The following TRIM33 variants were observed in gnomAD, a reference collection of about 807,000 sequenced individuals.
TRIM33 encodes the protein tripartite motif containing 33, also known as E3 ubiquitin-protein ligase TRIM33.
TRIM33 carries 20 observed loss-of-function variants against 125.4 expected under a neutral mutation model. The ratio of observed to expected loss-of-function variants is 0.16; its 90% CI spans 0.11 to 0.23. The LOEUF is 0.23. TRIM33 is among the 10% of genes least tolerant of loss of function. TRIM33 has a pLI of 1.00. For missense variants in TRIM33, 920 were observed against 1,411.4 expected (o/e 0.65, Z 5.58); for synonymous variants, 564 against 513.9 (o/e 1.10, Z -1.32).
At chr1:114,449,808 CAAATG>C (rs1649206978) in intron 4 of TRIM33, among the ~76,000 whole-genome samples, 1 of 152,178 alleles carries the variant, frequency 6.6e-6, no homozygotes, top group Non-Finnish European at 1.5e-5. Context: ...CATTATTTTT[CAAATG>C]ACCCAATATA....
intron 1 of TRIM33, among the ~76,000 whole-genome samples, chr1:114,475,249 G>C (rs1474488576): frequency 6.6e-6 from 1 of 152,156 alleles, no homozygotes; most frequent in Non-Finnish European, 1.5e-5. Flanking sequence ...TATACTTTAA[G>C]AACTAATGAT....
chr1:114,468,868 G>A (rs1268594595), intron 1 of TRIM33: 2 of 243,848 alleles, frequency 8.2e-6, no homozygotes, highest in Non-Finnish European at 1.7e-5. Flanking sequence ...AACATCACGA[G>A]GGAAAAGAAT....
intron 4 of TRIM33, among the ~76,000 whole-genome samples, 177 bp from the exon 5 acceptor site, chr1:114,433,910 ACT>A (rs1648120943): frequency 6.6e-6 from 1 of 151,908 alleles, no homozygotes; most frequent in Admixed American, 6.6e-5. Context: ...TCTCCCTCCA[ACT>A]CTGACCCTGA....
chr1:114,427,601 T>C, intron 7 of TRIM33, 147 bp downstream of exon 7: 1 of 741,892 alleles, frequency 1.3e-6, no homozygotes, highest in Non-Finnish European at 2.1e-6. Context: ...GAGGAAACTT[T>C]GGGGGGTGGT....
At chr1:114,492,856 A>C (rs1012296619) in intron 1 of TRIM33, among the ~76,000 whole-genome samples, 7 of 152,234 alleles carry the variant, frequency 4.6e-5, no homozygotes, top group Non-Finnish European at 1.0e-4. Context: ...ACTGTGAATA[A>C]TGCTGCAATT....
Position 114,510,540 on chromosome 1 carries a change from C to T in TRIM33, c.526+11G>A. 6 of 1,467,512 alleles carry T rather than the reference C, an allele frequency of 4.1e-6. No homozygotes were observed. Among genetic ancestry groups the T allele is most frequent in the Non-Finnish European group, 5.4e-6 (6 of 1,111,112 alleles). The allele number at this position is 1,467,512 out of a possible 1,614,324, so 90.9% of individuals were successfully genotyped here. ...TTGCGGCCCAGATGCCAGGCAGGGCCTCCGGCTCACCTTGCTGGATGTCGC... is the reference window on the plus strand; with the variant it reads ...TTGCGGCCCAGATGCCAGGCAGGGCTTCCGGCTCACCTTGCTGGATGTCGC... On this transcript the variant is annotated intron_variant, in intron 1 of 19. Coordinates refer to ENST00000358465, the MANE Select transcript of TRIM33 (RefSeq NM_015906.4).
intron 4 of TRIM33, among the ~76,000 whole-genome samples, chr1:114,461,291 T>TTTATATA (rs199792194): frequency 0.018 from 2,001 of 112,330 alleles, 26 homozygotes; most frequent in South Asian, 0.053. Context: ...TTATTATATA[T>TTTATATA]TTATATATTA....
At chr1:114,487,386 G>A (rs1156369785) in intron 1 of TRIM33, among the ~76,000 whole-genome samples, 2 of 147,722 alleles carry the variant, frequency 1.4e-5, no homozygotes, top group South Asian at 2.1e-4. Flanking sequence ...TTCAAAGGCT[G>A]AAAGAAAGTA....
intron 13 of TRIM33, among the ~76,000 whole-genome samples, 162 bp from the exon 14 acceptor site, chr1:114,407,262 A>G (rs1334071443): frequency 6.6e-6 from 1 of 152,222 alleles, no homozygotes; most frequent in East Asian, 1.9e-4. Flanking sequence ...TGTGGTATAA[A>G]GCCTAGCTTA....
rs115205951 is a variant in TRIM33, at chr1:114,428,038, C to T, written c.1156-144G>A. On this transcript the variant is annotated intron_variant, in intron 6 of 19. Transcript: ENST00000358465. ...CTCCATGATTATTTAGCAAGCCTAT[C>T]ATCAGAGGAAAAGCCACTAACAAAA... is the stretch of plus-strand genomic sequence containing the variant. 7.3e-3 allele frequency: 6,048 copies of T among 827,676 alleles called. 29 individuals carry two copies. The highest frequency in any genetic ancestry group is 0.011 in the Admixed American group (355 of 32,656). 51.3% of individuals were successfully genotyped at this position (827,676 alleles called of 1,614,324 possible).
chr1:114,427,337 CA>C (rs771751199), intron 7 of TRIM33, 43 bp from the exon 8 acceptor site: 3 of 1,020,508 alleles, frequency 2.9e-6, no homozygotes, highest in African/African-American at 1.6e-5. Context: ...AATTAAATAT[CA>C]ATTGGGAAAT....
chr1:114,429,812 AT>A (rs1215454496), intron 6 of TRIM33, among the ~76,000 whole-genome samples: 2 of 152,086 alleles, frequency 1.3e-5, no homozygotes, highest in African/African-American at 2.4e-5. Context: ...AGAGCATGAA[AT>A]TTTCAATCAG....
At chr1:114,448,832 C>A (rs1649148287) in intron 4 of TRIM33, among the ~76,000 whole-genome samples, 1 of 150,982 alleles carries the variant, frequency 6.6e-6, no homozygotes, top group African/African-American at 2.4e-5. Context: ...GAGAGGAATG[C>A]TTAAAATTGA....
chr1:114,430,105 C>T (rs906135075), intron 6 of TRIM33, among the ~76,000 whole-genome samples: 6 of 151,936 alleles, frequency 3.9e-5, no homozygotes, highest in African/African-American at 1.5e-4. Flanking sequence ...GTAAAATACA[C>T]AAATGACTCA....
At chr1:114,406,067 T>C (rs953149053) in intron 14 of TRIM33, among the ~76,000 whole-genome samples, 1 of 152,230 alleles carries the variant, frequency 6.6e-6, no homozygotes, top group Non-Finnish European at 1.5e-5. Flanking sequence ...GAGCTAATTA[T>C]GGCACACCCC....
At chr1:114,481,643 G>A (rs12076673) in intron 1 of TRIM33, among the ~76,000 whole-genome samples, 6,199 of 131,210 alleles carry the variant, frequency 0.047, 136 homozygotes, top group African/African-American at 0.07. Flanking sequence ...ATATATATGT[G>A]TGTGTGTGTG....
chr1:114,497,357 C>T (rs574312440), intron 1 of TRIM33, among the ~76,000 whole-genome samples: 203 of 152,198 alleles, frequency 1.3e-3, no homozygotes, highest in Non-Finnish European at 2.1e-3. Flanking sequence ...AGTGCAACAG[C>T]GCAATCTCGG....
chr1:114,490,887 A>C (rs1218899638), intron 1 of TRIM33: 1 of 152,210 alleles, frequency 6.6e-6, no homozygotes, highest in Non-Finnish European at 1.5e-5. Flanking sequence ...GCACAGATGA[A>C]GGCGAAGGTC....
chr1:114,399,145 G>A (rs941663277), intron 18 of TRIM33, among the ~76,000 whole-genome samples: 1 of 152,062 alleles, frequency 6.6e-6, no homozygotes, highest in Non-Finnish European at 1.5e-5. Context: ...TACCCAAAAC[G>A]TAAGCTGTTT....
Sources: allele counts gnomAD v4.1 joint callset (sites outside exome capture counted in the v4.1 genomes callset), GRCh38; gene constraint gnomAD v4.1.1; transcripts MANE v1.5; gene names NCBI Gene and HGNC (gene_info 2026-07-23, HGNC 2026-07-21).